Variants in ATP8A1 observed in about 807,000 individuals in gnomAD.
The protein encoded by ATP8A1 is phospholipid-transporting ATPase IA.
In ATP8A1, 90 loss-of-function variants were observed where a neutral mutation model predicts 177.7. That is an observed-to-expected ratio of 0.51 (90% CI 0.43 to 0.60). The LOEUF is 0.60. Among genes scored for constraint, ATP8A1 ranks in the 20% least tolerant of loss-of-function variants. The pLI is 0.00. For missense variants in ATP8A1, 1,072 were observed against 1,392.8 expected, an observed-to-expected ratio of 0.77 and a Z score of 3.67; for synonymous variants, 493 against 485.9, an observed-to-expected ratio of 1.01 and a Z score of -0.19.
intron 6 of ATP8A1, among the ~76,000 whole-genome samples, chr4:42,598,438 T>A (rs1447291576): frequency 1.3e-5 from 2 of 152,182 alleles, no homozygotes; most frequent in Non-Finnish European, 1.5e-5. Flanking sequence ...TAACTTTTGC[T>A]TTCCATTTCA....
At chr4:42,564,703 G>A (rs113494124) in intron 15 of ATP8A1, among the ~76,000 whole-genome samples, 3,941 of 152,294 alleles carry the variant, frequency 0.026, 69 homozygotes, top group South Asian at 0.062. Context: ...GACTTGCCTT[G>A]TCTCAGATGA....
chr4:42,447,719 G>C (rs1717440321), intron 30 of ATP8A1, among the ~76,000 whole-genome samples: 1 of 152,192 alleles, frequency 6.6e-6, no homozygotes, highest in Non-Finnish European at 1.5e-5. Flanking sequence ...GAAACACAGA[G>C]AGTGGTACTG....
chr4:42,474,765 G>C (rs1390897586), intron 25 of ATP8A1, among the ~76,000 whole-genome samples: 1 of 152,122 alleles, frequency 6.6e-6, no homozygotes, highest in Non-Finnish European at 1.5e-5. Context: ...ACCTAATCAG[G>C]ACCTAGCTTT....
At chr4:42,594,465 G>A (rs189278019) in intron 6 of ATP8A1, 12 of 668,734 alleles carry the variant, frequency 1.8e-5, no homozygotes, top group African/African-American at 3.6e-5. Flanking sequence ...AATGGTTATC[G>A]GCAAACAAGA....
intron 18 of ATP8A1, among the ~76,000 whole-genome samples, 184 bp from the exon 19 acceptor site, chr4:42,549,246 A>G (rs1729242316): frequency 6.6e-6 from 1 of 152,200 alleles, no homozygotes; most frequent in Admixed American, 6.5e-5. Context: ...GAAAATCCAA[A>G]ACAGGAGAAA....
At chr4:42,626,728 T>A (rs1560535019) in intron 2 of ATP8A1, 2 of 461,584 alleles carry the variant, frequency 4.3e-6, no homozygotes, top group African/African-American at 2.0e-5. Flanking sequence ...GACAGAGGCA[T>A]TTACACATAA....
chr4:42,656,601 G>C (rs1195928308), intron 1 of ATP8A1, among the ~76,000 whole-genome samples: 1 of 152,174 alleles, frequency 6.6e-6, no homozygotes, highest in African/African-American at 2.4e-5. Context: ...CACGCCTCGG[G>C]GCTCCCGCGG....
intron 6 of ATP8A1, among the ~76,000 whole-genome samples, chr4:42,591,382 T>C (rs1734163052): frequency 6.6e-6 from 1 of 152,094 alleles, no homozygotes; most frequent in South Asian, 2.1e-4. Context: ...ATGTTCTGAC[T>C]CCAAAATATT....
At chr4:42,656,568 A>G (rs967796692) in intron 1 of ATP8A1, among the ~76,000 whole-genome samples, 1 of 152,094 alleles carries the variant, frequency 6.6e-6, no homozygotes, top group Non-Finnish European at 1.5e-5. Context: ...ACTGGGACCT[A>G]ATGGTCACAC....
At chr4:42,558,725 C>T (rs1278221398) in intron 15 of ATP8A1, among the ~76,000 whole-genome samples, 1 of 151,922 alleles carries the variant, frequency 6.6e-6, no homozygotes, top group Non-Finnish European at 1.5e-5. Context: ...AAATAAACTC[C>T]AGATGGATCA....
At chr4:42,444,853 G>A (rs748709079) in intron 31 of ATP8A1, among the ~76,000 whole-genome samples, 2 of 152,160 alleles carry the variant, frequency 1.3e-5, no homozygotes, top group African/African-American at 2.4e-5. Context: ...CTGCACTTCC[G>A]GCTTCCTTGC....
intron 24 of ATP8A1, among the ~76,000 whole-genome samples, chr4:42,499,474 C>A (rs1410877235): frequency 6.6e-6 from 1 of 152,066 alleles, no homozygotes; most frequent in Non-Finnish European, 1.5e-5. Flanking sequence ...GGGTATATCA[C>A]GAGAGACTCA....
Position 42,464,925 on chromosome 4 carries a change from C to T in ATP8A1, c.2476G>A (p.Ala826Thr), listed in dbSNP as rs1321597186. 8.1e-6 allele frequency: 13 copies of T among 1,614,064 alleles called. No individual in the cohort carries two copies. Among genetic ancestry groups the T allele is most frequent in the African/African-American group, 2.7e-5 (2 of 74,928 alleles). Residue 826 changes from alanine to threonine, a missense_variant, in exon 26 of 37, where the codon GCA (alanine) becomes ACA (threonine). Physicochemically the swap from Ala to Thr is moderately conservative, Grantham distance 58. Around this residue, in one of 5 missense-constraint regions of ATP8A1, gnomAD observed 316 missense variants for 459.1 expected, o/e 0.69. Coordinates refer to ENST00000381668, the MANE Select transcript of ATP8A1 (RefSeq NM_006095.2). The stretch of plus-strand genomic sequence containing the variant: ...ATGGAGTAGTCAGAGGAATTAGCTG[C>T]CTGCAGGCCTTCATTGCCACTGATA... ...VGISGNEGLQ[A>T]ANSSDYSIAQ...
chr4:42,611,502 AC>A (rs1283268688), intron 5 of ATP8A1, among the ~76,000 whole-genome samples: 3 of 152,228 alleles, frequency 2.0e-5, no homozygotes, highest in Non-Finnish European at 2.9e-5. Flanking sequence ...CAGAATGTAT[AC>A]AGACCATCGT....
intron 33 of ATP8A1, among the ~76,000 whole-genome samples, chr4:42,440,099 C>T (rs1021818329): frequency 6.6e-6 from 1 of 152,194 alleles, no homozygotes; most frequent in Admixed American, 6.5e-5. Flanking sequence ...GGAGTCTGCC[C>T]TGACTTCTCC....
At chr4:42,496,374 A>G (rs996711247) in intron 24 of ATP8A1, among the ~76,000 whole-genome samples, 2 of 152,194 alleles carry the variant, frequency 1.3e-5, no homozygotes, top group African/African-American at 4.8e-5. Context: ...CTAAACACTT[A>G]TTTTGACTTT....
At chr4:42,600,365 T>C (rs1735123298) in intron 6 of ATP8A1, 113 bp downstream of exon 6, 1 of 725,406 alleles carries the variant, frequency 1.4e-6, no homozygotes, top group Non-Finnish European at 2.0e-6. Context: ...ACTAAATAGC[T>C]TTTATATTAG....
rs559065449 is a variant in ATP8A1 at position 42,444,287 on chromosome 4, G to GT, written c.3015+290dup. ...ACCTCTAAGAAAAGACTTGTAATCC[G>GT]TAAGTTTAAAGTCTCACCACTTCCT... On this transcript the variant is annotated intron_variant, in intron 32 of 36. Coordinates refer to ENST00000381668, the MANE Select transcript of ATP8A1 (RefSeq NM_006095.2). 1.3e-4 allele frequency among the ~76,000 whole-genome samples: 20 copies of GT among 152,244 alleles called. No individual in the cohort carries two copies. The East Asian group carries it at 3.9e-3, about 29-fold the overall frequency.
At position 42,413,017 on chromosome 4, in the gene ATP8A1, T is replaced by G. The variant is rs920781092; in HGVS notation, c.3398-4A>C. Reference sequence around the variant, plus strand: ...TCTTGAGAGAACGCATACCCATCTGTAGGTTAATGATAAAACAGAAATTCT... The same window carrying G: ...TCTTGAGAGAACGCATACCCATCTGGAGGTTAATGATAAAACAGAAATTCT... On this transcript the variant is annotated splice_polypyrimidine_tract_variant and splice_region_variant and intron_variant, in intron 36 of 36. Coordinates refer to ENST00000381668, the MANE Select transcript of ATP8A1 (RefSeq NM_006095.2). 6.2e-7 allele frequency: 1 copy of G among 1,611,404 alleles called. No individual in the cohort carries two copies. The highest frequency in any genetic ancestry group is 1.7e-5 in the Admixed American group (1 of 59,888).
Sources: allele counts gnomAD v4.1 joint callset (sites outside exome capture counted in the v4.1 genomes callset), GRCh38; gene constraint gnomAD v4.1.1; regional missense constraint gnomAD v4.1.1; transcripts MANE v1.5; gene names NCBI Gene and HGNC (gene_info 2026-07-23, HGNC 2026-07-21).